CADM1: variants seen among roughly 807,000 people sequenced by gnomAD.
The protein encoded by CADM1 is TSLC-1.
In CADM1, 15 loss-of-function variants were observed where a neutral mutation model predicts 53.1. That is an observed-to-expected ratio of 0.28 (90% CI 0.19 to 0.44). The LOEUF (loss-of-function observed/expected upper bound fraction) is 0.44, where lower values mean the gene tolerates loss of function less well. Among genes scored for constraint, CADM1 ranks in the 20% least tolerant of loss-of-function variants. The probability of loss-of-function intolerance (pLI) is 1.00; values close to 1 mark genes in which losing one functional copy is unlikely to be tolerated. For synonymous variants in CADM1, 281 were observed against 243.0 expected, an observed-to-expected ratio of 1.16 and a Z score of -1.45; for missense variants, 434 against 611.3, an observed-to-expected ratio of 0.71 and a Z score of 3.06.
chr11:115,175,356 T>C lies in CADM1; in HGVS notation c.*1118A>G. ...TACATGCAGGCCACATCCTACTGCCTTCCTAACTAAGCACAAAGGAAAAAA... is the reference window on the plus strand; with the variant it reads ...TACATGCAGGCCACATCCTACTGCCCTCCTAACTAAGCACAAAGGAAAAAA... On this transcript the variant is annotated 3_prime_UTR_variant, in exon 12 of 12. Transcript: ENST00000331581. 7.2e-6 allele frequency: 7 copies of C among 971,780 alleles called. No homozygotes were observed. The highest frequency in any genetic ancestry group is 8.5e-6 in the Non-Finnish European group (7 of 823,806). 60.2% of individuals were successfully genotyped at this position (971,780 alleles called of 1,614,324 possible). A position where few individuals can be genotyped will look rare whatever the true frequency, so the allele number is the denominator to read the frequency against.
intron 1 of CADM1, 99 bp downstream of exon 1, chr11:115,504,172 G>C (rs563104824): frequency 1.3e-6 from 2 of 1,500,490 alleles, no homozygotes; most frequent in Non-Finnish European, 1.8e-6. Context: ...TGTAGGAAGT[G>C]GGGGGAGGTT....
At chr11:115,220,271 T>C (rs1177094271) in intron 5 of CADM1, among the ~76,000 whole-genome samples, 1 of 152,148 alleles carries the variant, frequency 6.6e-6, no homozygotes, top group East Asian at 1.9e-4. Context: ...AAAGACAGTG[T>C]TGAAAAACTT....
Position 115,417,976 on chromosome 11 carries a change from T to C in CADM1, c.124+86295A>G, listed in dbSNP as rs1232104499. On this transcript the variant is annotated intron_variant, in intron 1 of 11. Transcript: ENST00000331581. The stretch of plus-strand genomic sequence containing the variant: ...GTGTGGATCTGATTACCTCACATTA[T>C]GGTTTGGGTCTGACTATATAACATC... Among the ~76,000 whole-genome samples, 6 of 151,650 alleles carry C rather than the reference T, an allele frequency of 4.0e-5. No homozygotes were observed. In the South Asian group the frequency reaches 1.3e-3, roughly 32 times the overall value.
intron 8 of CADM1, among the ~76,000 whole-genome samples, chr11:115,208,444 G>C (rs1044943401): frequency 3.3e-4 from 50 of 152,068 alleles, no homozygotes; most frequent in African/African-American, 1.0e-3. Context: ...AATGTCTCTA[G>C]CATGTCAATG....
intron 1 of CADM1, among the ~76,000 whole-genome samples, chr11:115,414,223 G>GA (rs200789948): frequency 2.6e-5 from 4 of 151,424 alleles, no homozygotes; most frequent in Admixed American, 6.6e-5. Flanking sequence ...TTGCGGAGTA[G>GA]AAAAAAAACA....
chr11:115,469,562 A>G (rs1948965702), intron 1 of CADM1, among the ~76,000 whole-genome samples: 1 of 151,822 alleles, frequency 6.6e-6, no homozygotes, highest in Admixed American at 6.6e-5. Context: ...CATGCATTAA[A>G]CCGTTTCAAA....
intron 1 of CADM1, among the ~76,000 whole-genome samples, chr11:115,251,259 G>A (rs147785977): frequency 6.6e-6 from 1 of 152,220 alleles, no homozygotes. Flanking sequence ...TGGCTGAAAT[G>A]TGGCTGTAAT....
chr11:115,375,092 A>C (rs1435676255), intron 1 of CADM1, among the ~76,000 whole-genome samples: 1 of 152,170 alleles, frequency 6.6e-6, no homozygotes, highest in Admixed American at 6.5e-5. Context: ...AGATAGTACA[A>C]TGTCTATAAT....
At chr11:115,336,508 C>T (rs1191470913) in intron 1 of CADM1, among the ~76,000 whole-genome samples, 3 of 152,070 alleles carry the variant, frequency 2.0e-5, no homozygotes, top group Non-Finnish European at 4.4e-5. Context: ...ACAGTAAAAC[C>T]TCTATTACTA....
chr11:115,181,362 C>A (rs911161135), intron 10 of CADM1, among the ~76,000 whole-genome samples: 1 of 152,168 alleles, frequency 6.6e-6, no homozygotes, highest in Non-Finnish European at 1.5e-5. Flanking sequence ...CTGCACTTTG[C>A]CCAAATTAAA....
chr11:115,497,816 G>C (rs778663031), intron 1 of CADM1, among the ~76,000 whole-genome samples: 1 of 152,094 alleles, frequency 6.6e-6, no homozygotes, highest in African/African-American at 2.4e-5. Flanking sequence ...CAACTCAGAG[G>C]GGGCGGTGCA....
rs1451417903 is a variant in CADM1 at position 115,173,344 on chromosome 11, C to A, written c.*3130G>T. The A allele has an allele frequency of 6.6e-6, 1 of 152,348 alleles. No homozygotes were observed. Among genetic ancestry groups the A allele is most frequent in the Non-Finnish European group, 1.5e-5 (1 of 68,152 alleles). The allele number at this position is 152,348 out of a possible 1,614,324, so 9.4% of individuals were successfully genotyped here. A position where few individuals can be genotyped will look rare whatever the true frequency, so the allele number is the denominator to read the frequency against. On this transcript the variant is annotated 3_prime_UTR_variant, in exon 12 of 12. Coordinates refer to ENST00000331581, the MANE Select transcript of CADM1 (RefSeq NM_001301043.2). ...CGGGCCCGCCACGACAGCTCGCACA[C>A]CTGCACAAATCGCTGAGTCCACGTG...
chr11:115,315,906 T>C (rs926605481), intron 1 of CADM1, among the ~76,000 whole-genome samples: 10 of 152,190 alleles, frequency 6.6e-5, no homozygotes, highest in Non-Finnish European at 1.3e-4. Context: ...TAAGTCATAA[T>C]ACAGTGCAAT....
At position 115,411,697 on chromosome 11, in the gene CADM1, G is replaced by A. The variant is rs143478571; in HGVS notation, c.124+92574C>T. On this transcript the variant is annotated intron_variant, in intron 1 of 11. Transcript: ENST00000331581. ...ATTTATTTTTTTGAGATGGAGTTTCGCTCTTGTTGCCCAGGTTGGAGTGCA... is the reference window on the plus strand; with the variant it reads ...ATTTATTTTTTTGAGATGGAGTTTCACTCTTGTTGCCCAGGTTGGAGTGCA... Among the ~76,000 whole-genome samples, 1,381 of 151,752 alleles carry A rather than the reference G, an allele frequency of 9.1e-3. 8 individuals carry two copies. The highest frequency in any genetic ancestry group is 0.017 in the South Asian group (80 of 4,788).
chr11:115,371,345 A>G (rs1040782025), intron 1 of CADM1, among the ~76,000 whole-genome samples: 2 of 152,166 alleles, frequency 1.3e-5, no homozygotes, highest in African/African-American at 4.8e-5. Context: ...ACTACAAATA[A>G]AGTGGTATAA....
intron 1 of CADM1, among the ~76,000 whole-genome samples, chr11:115,349,389 C>T (rs1366112932): frequency 1.3e-5 from 2 of 152,126 alleles, no homozygotes; most frequent in African/African-American, 4.8e-5. Context: ...TAAGATTTGT[C>T]TTTGAAAAGA....
Position 115,359,502 on chromosome 11 carries a change from G to A in CADM1, c.125-119082C>T, listed in dbSNP as rs368791924. On this transcript the variant is annotated intron_variant, in intron 1 of 11. Coordinates refer to ENST00000331581, the MANE Select transcript of CADM1 (RefSeq NM_001301043.2). ...GAAGACCAGCCCAAGGCAAAGACATGACACAGTCATATTAGAAACTTCCTT... is the reference window on the plus strand; with the variant it reads ...GAAGACCAGCCCAAGGCAAAGACATAACACAGTCATATTAGAAACTTCCTT... 9.9e-5 allele frequency among the ~76,000 whole-genome samples: 15 copies of A among 152,160 alleles called. No individual in the cohort carries two copies. In the East Asian group the frequency reaches 1.5e-3, roughly 16 times the overall value.
At chr11:115,324,564 G>C (rs1213647982) in intron 1 of CADM1, among the ~76,000 whole-genome samples, 1 of 152,122 alleles carries the variant, frequency 6.6e-6, no homozygotes, top group Non-Finnish European at 1.5e-5. Flanking sequence ...TTAAGGGTGA[G>C]GAATCTCCTG....
At chr11:115,178,181 C>T (rs996815116) in intron 11 of CADM1, among the ~76,000 whole-genome samples, 1 of 152,170 alleles carries the variant, frequency 6.6e-6, no homozygotes, top group African/African-American at 2.4e-5. Context: ...CACATCAAAC[C>T]AAGGCAGTCT....
Sources: gnomAD v4.1 joint callset for allele counts (sites outside exome capture counted in the v4.1 genomes callset) on GRCh38, gnomAD v4.1.1 for gene constraint, MANE v1.5 for transcripts, NCBI Gene and HGNC (gene_info 2026-07-23, HGNC 2026-07-21) for gene names.